Variants in RPTOR observed in about 807,000 individuals in gnomAD.
RPTOR encodes the protein regulatory-associated protein of mTOR.
RPTOR carries 21 observed loss-of-function variants against 169.9 expected under a neutral mutation model. The ratio of observed to expected loss-of-function variants is 0.12; its 90% confidence interval spans 0.09 to 0.18. The LOEUF is 0.18. RPTOR is among the 10% of genes least tolerant of loss of function. The pLI, the probability that RPTOR is intolerant of heterozygous loss-of-function variation, is 1.00. For missense variants in RPTOR, 1,133 were observed against 1,855.9 expected (o/e 0.61, Z 7.16); for synonymous variants, 732 against 753.2 (o/e 0.97, Z 0.46).
At chr17:80,657,231 C>T (rs1453168645) in intron 3 of RPTOR, among the ~76,000 whole-genome samples, 1 of 151,850 alleles carries the variant, frequency 6.6e-6, no homozygotes, top group Non-Finnish European at 1.5e-5. Flanking sequence ...GGGTTTGGAC[C>T]TGGGGACTTG....
intron 32 of RPTOR, 51 bp from the exon 33 acceptor site, chr17:80,962,876 TC>T (rs1479836319): frequency 1.2e-6 from 2 of 1,609,050 alleles, no homozygotes; most frequent in Non-Finnish European, 1.7e-6. Context: ...GCGCCCATCT[TC>T]CATCCTCAAA....
At position 80,560,291 on chromosome 17, in the gene RPTOR, C is replaced by T. The variant is rs533730278; in HGVS notation, c.162+14500C>T. 2.0e-5 allele frequency among the ~76,000 whole-genome samples: 3 copies of T among 152,204 alleles called. No homozygotes were observed. The East Asian group carries it at 5.8e-4, about 29-fold the overall frequency. ...TCTGTGTGCTCAGGTGGAGTGGTTG[C>T]GGGAGCAGGGCGGAGGATGGACAAT... On this transcript the variant is annotated intron_variant, in intron 1 of 33. Coordinates refer to ENST00000306801, the MANE Select transcript of RPTOR (RefSeq NM_020761.3).
rs1306333921 is a variant in RPTOR, at chr17:80,823,338, G to A, written c.1136+115G>A. 51 of 1,325,444 alleles carry A rather than the reference G, an allele frequency of 3.8e-5. 1 individual carries two copies. The highest frequency in any genetic ancestry group is 3.6e-4 in the South Asian group (26 of 71,840). The allele number at this position is 1,325,444 out of a possible 1,614,324, so 82.1% of individuals were successfully genotyped here. On this transcript the variant is annotated intron_variant, in intron 9 of 33. Coordinates refer to ENST00000306801, the MANE Select transcript of RPTOR (RefSeq NM_020761.3). This position sits in a 1 kb window ranked among gnomAD's most constrained non-coding sequence, Gnocchi z 4.5. ...GCCCCACACCTAACTTGGGGACCCC[G>A]TGTAGCATTAACAAGTGAAGCTAAA...
At chr17:80,639,721 C>A (rs1599626577) in intron 2 of RPTOR, among the ~76,000 whole-genome samples, 1 of 152,192 alleles carries the variant, frequency 6.6e-6, no homozygotes, top group African/African-American at 2.4e-5. Flanking sequence ...ATTGAGGAAC[C>A]CAGCTGGGAG....
intron 17 of RPTOR, among the ~76,000 whole-genome samples, chr17:80,890,720 A>T (rs1183385790): frequency 6.6e-6 from 1 of 152,156 alleles, no homozygotes; most frequent in African/African-American, 2.4e-5. Flanking sequence ...GCCAGCCTGG[A>T]CCTAGGAGAG....
intron 13 of RPTOR, among the ~76,000 whole-genome samples, chr17:80,876,682 G>T (rs1598371343): frequency 3.2e-5 from 4 of 125,746 alleles, no homozygotes; most frequent in Admixed American, 7.9e-5. Flanking sequence ...TCGCCTGCCG[G>T]GTCTTCCACC....
At chr17:80,821,578 C>T (rs575617983) in intron 7 of RPTOR, among the ~76,000 whole-genome samples, 6 of 152,282 alleles carry the variant, frequency 3.9e-5, no homozygotes, top group African/African-American at 1.2e-4. Context: ...CTCATCCCCC[C>T]GCCCACTCTC....
At chr17:80,692,278 CGTTAT>C (rs71367010) in intron 3 of RPTOR, among the ~76,000 whole-genome samples, 59,001 of 145,044 alleles carry the variant, frequency 0.41, 12,514 homozygotes, top group Admixed American at 0.51. Flanking sequence ...TGTCTGGCTA[CGTTAT>C]GTTATGTTAT....
At chr17:80,962,434 G>T (rs751413017) in intron 31 of RPTOR, 27 bp from the exon 32 acceptor site, 8 of 1,593,682 alleles carry the variant, frequency 5.0e-6, no homozygotes, top group Non-Finnish European at 6.0e-6. Context: ...TCCGGGAGGA[G>T]GTGTCACTGT....
intron 3 of RPTOR, among the ~76,000 whole-genome samples, chr17:80,663,430 G>A (rs949050922): frequency 2.0e-5 from 3 of 151,862 alleles, no homozygotes; most frequent in African/African-American, 7.3e-5. Flanking sequence ...GCAATCTGCA[G>A]AGGAATCTTT....
chr17:80,796,816 G>C (rs77068358), intron 7 of RPTOR, among the ~76,000 whole-genome samples: 15,394 of 152,242 alleles, frequency 0.1, 855 homozygotes, highest in South Asian at 0.2. Context: ...AACTCCCGTG[G>C]TGCCTCCGCC....
At chr17:80,893,349 G>T (rs2068353345) in intron 19 of RPTOR, among the ~76,000 whole-genome samples, 1 of 149,652 alleles carries the variant, frequency 6.7e-6, no homozygotes. Context: ...GTGCGCCAGG[G>T]TGTGTGTGTG....
At chr17:80,639,548 T>G (rs1320619293) in intron 2 of RPTOR, among the ~76,000 whole-genome samples, 1 of 152,184 alleles carries the variant, frequency 6.6e-6, no homozygotes, top group Non-Finnish European at 1.5e-5. Flanking sequence ...GTCTCCACTC[T>G]TGGCAGCTTT....
chr17:80,553,975 C>A (rs2084376111), intron 1 of RPTOR, among the ~76,000 whole-genome samples: 1 of 152,190 alleles, frequency 6.6e-6, no homozygotes, highest in Non-Finnish European at 1.5e-5. Flanking sequence ...CTCCTGACTT[C>A]AGGTGATCCA....
intron 17 of RPTOR, among the ~76,000 whole-genome samples, chr17:80,889,920 G>A (rs1349788044): frequency 3.4e-5 from 4 of 117,238 alleles, no homozygotes; most frequent in East Asian, 5.2e-4. Context: ...TGCGGCCTCC[G>A]AGGGAGGCCC....
At position 80,860,427 on chromosome 17, in the gene RPTOR, G is replaced by T. The variant is rs1357962180; in HGVS notation, c.1509+2527G>T. Among the ~76,000 whole-genome samples the T allele has an allele frequency of 3.3e-5, 5 of 152,070 alleles. No individual in the cohort carries two copies. The highest frequency in any genetic ancestry group is 7.4e-5 in the Non-Finnish European group (5 of 68,010). Reference sequence around the variant, plus strand: ...CCACCCACAGCCGCTGCTGATTCAAGTCCAGCCCAGGCCATCAGGTCCCCA... The same window carrying T: ...CCACCCACAGCCGCTGCTGATTCAATTCCAGCCCAGGCCATCAGGTCCCCA... On this transcript the variant is annotated intron_variant, in intron 13 of 33. Transcript: ENST00000306801. This position sits in a 1 kb window ranked among gnomAD's most constrained non-coding sequence, Gnocchi z 5.8.
chr17:80,818,084 G>T (rs922400985), intron 7 of RPTOR, among the ~76,000 whole-genome samples: 7 of 152,222 alleles, frequency 4.6e-5, no homozygotes, highest in Non-Finnish European at 8.8e-5. Flanking sequence ...CTGTTGGGGG[G>T]CCACCCCGGC....
At chr17:80,857,451 G>A (rs1209231550) in intron 12 of RPTOR, among the ~76,000 whole-genome samples, 1 of 152,192 alleles carries the variant, frequency 6.6e-6, no homozygotes, top group Non-Finnish European at 1.5e-5. Flanking sequence ...CAGTGAAGGT[G>A]CCTGATGCTC....
Position 80,845,442 on chromosome 17 carries a change from G to A in RPTOR, c.1213-1031G>A, listed in dbSNP as rs901853432. Among the ~76,000 whole-genome samples the A allele has an allele frequency of 5.9e-5, 9 of 152,080 alleles. No individual in the cohort carries two copies. The highest frequency in any genetic ancestry group is 1.9e-4 in the African/African-American group (8 of 41,398). On this transcript the variant is annotated intron_variant, in intron 10 of 33. Transcript: ENST00000306801. The surrounding 1 kb of genome is among the most constrained non-coding windows in gnomAD (Gnocchi z 5.4). ...TCCCATTTCACTGAGGAAACAAGAA[G>A]CAGTCGCATGACCGCCTCTGCCGGG...
Sources: gnomAD v4.1 joint callset for allele counts (sites outside exome capture counted in the v4.1 genomes callset) on GRCh38, gnomAD v4.1.1 for gene constraint, Gnocchi (gnomAD v3.1) non-coding constraint, MANE v1.5 for transcripts, NCBI Gene and HGNC (gene_info 2026-07-23, HGNC 2026-07-21) for gene names.